Variants in MAP2K3 observed in about 807,000 individuals in gnomAD.
The protein encoded by MAP2K3 is dual specificity mitogen-activated protein kinase kinase 3.
Under a neutral mutation model 46.4 loss-of-function variants are expected in MAP2K3, and 30 were observed. The ratio of observed to expected loss-of-function variants is 0.65; its 90% CI spans 0.48 to 0.88. MAP2K3 has a LOEUF of 0.88. Among genes scored for constraint, MAP2K3 ranks in the 40% least tolerant of loss-of-function variants. MAP2K3 has a pLI of 0.00. For synonymous variants in MAP2K3, 189 were observed against 176.3 expected (o/e 1.07, Z -0.57); for missense variants, 380 against 464.5 (o/e 0.82, Z 1.67).
chr17:21,293,470 T>G (rs971107584), intron 1 of MAP2K3, among the ~76,000 whole-genome samples: 1 of 152,310 alleles, frequency 6.6e-6, no homozygotes, highest in Non-Finnish European at 1.5e-5. Context: ...GTTGCCCCTG[T>G]GCAGCTGAGC....
chr17:21,287,012 A>G (rs902655516), intron 1 of MAP2K3, among the ~76,000 whole-genome samples: 1 of 152,242 alleles, frequency 6.6e-6, no homozygotes, highest in African/African-American at 2.4e-5. Context: ...TGATAAGGAA[A>G]CTGAGGCGTT....
At chr17:21,291,294 A>AATACAATAGAATACC (rs1975914008) in intron 1 of MAP2K3, 1 of 25,948 alleles carries the variant, frequency 3.9e-5, no homozygotes, top group African/African-American at 3.8e-4. Flanking sequence ...AATAGAATAC[A>AATACAATAGAATACC]ATACAATAGA....
Position 21,314,539 on chromosome 17 carries a change from C to T in MAP2K3, c.*309C>T, listed in dbSNP as rs1977318242. 2.7e-6 allele frequency: 1 copy of T among 374,582 alleles called. No individual in the cohort carries two copies. Among genetic ancestry groups the T allele is most frequent in the South Asian group, 3.6e-5 (1 of 28,116 alleles). The allele number at this position is 374,582 out of a possible 1,614,324, so 23.2% of individuals were successfully genotyped here. ...GGATGCCCCCTGTGGATGCTGCTGCCCCTGCACAGCAGGCTGCCAGTGCCT... is the reference window on the plus strand; with the variant it reads ...GGATGCCCCCTGTGGATGCTGCTGCTCCTGCACAGCAGGCTGCCAGTGCCT... On this transcript the variant is annotated 3_prime_UTR_variant, in exon 12 of 12. Transcript: ENST00000342679.
intron 1 of MAP2K3, among the ~76,000 whole-genome samples, chr17:21,289,801 C>T (rs1388469930): frequency 6.6e-6 from 1 of 152,208 alleles, no homozygotes; most frequent in African/African-American, 2.4e-5. Context: ...CAGAGAGGGC[C>T]CCAGACTTTC....
chr17:21,312,459 G>A (rs2144665931), intron 10 of MAP2K3, among the ~76,000 whole-genome samples, 178 bp downstream of exon 10: 1 of 152,270 alleles, frequency 6.6e-6, no homozygotes, highest in Middle Eastern at 3.4e-3. Flanking sequence ...CGATGGTCTT[G>A]GTGGGAGATT....
chr17:21,293,258 CT>C (rs1437373313), intron 1 of MAP2K3, among the ~76,000 whole-genome samples: 10 of 152,424 alleles, frequency 6.6e-5, no homozygotes, highest in African/African-American at 2.4e-4. Context: ...TGTGGGCCCC[CT>C]GTCTTTCACG....
chr17:21,290,394 G>A (rs1004901736), intron 1 of MAP2K3, among the ~76,000 whole-genome samples: 12 of 5,830 alleles, frequency 2.1e-3, no homozygotes, highest in African/African-American at 5.8e-3. Flanking sequence ...CCTGCCGTTG[G>A]CATGGCACAC....
At chr17:21,285,117 C>T (rs1011217464) in intron 1 of MAP2K3, 148 bp downstream of exon 1, 1 of 1,319,904 alleles carries the variant, frequency 7.6e-7, no homozygotes, top group Non-Finnish European at 1.0e-6. Flanking sequence ...TTCGGGGTCC[C>T]GGGACCAGCC....
intron 7 of MAP2K3, among the ~76,000 whole-genome samples, chr17:21,303,779 A>G (rs1976736128): frequency 6.6e-6 from 1 of 152,306 alleles, no homozygotes; most frequent in South Asian, 2.1e-4. Flanking sequence ...ATTTTTCCAG[A>G]TTTACTGCTT....
chr17:21,300,380 T>G (rs565034825), intron 3 of MAP2K3, 165 bp from the exon 4 acceptor site: 2 of 700,502 alleles, frequency 2.9e-6, no homozygotes, highest in Non-Finnish European at 4.9e-6. Context: ...TCAGAGAGGT[T>G]AAGTGACTTG....
At chr17:21,304,983 G>GA (rs1976815311) in intron 8 of MAP2K3, 68 bp from the exon 9 acceptor site, 22 of 1,591,154 alleles carry the variant, frequency 1.4e-5, no homozygotes, top group Non-Finnish European at 1.9e-5. Flanking sequence ...TTGGGGATTG[G>GA]GAGGCAAGGC....
intron 6 of MAP2K3, among the ~76,000 whole-genome samples, chr17:21,302,680 G>C (rs1976673906): frequency 6.6e-6 from 1 of 152,306 alleles, no homozygotes; most frequent in Admixed American, 6.5e-5. Context: ...GTCCTTGAGG[G>C]AGGGCAGCAA....
At chr17:21,295,086 G>A (rs943283749) in intron 1 of MAP2K3, among the ~76,000 whole-genome samples, 1 of 152,310 alleles carries the variant, frequency 6.6e-6, no homozygotes, top group Non-Finnish European at 1.5e-5. Context: ...AAGGCAAGAC[G>A]ACGTAGTAGC....
At chr17:21,298,080 T>C (rs1976362223) in intron 1 of MAP2K3, among the ~76,000 whole-genome samples, 2 of 152,308 alleles carry the variant, frequency 1.3e-5, no homozygotes. Context: ...CCACATCCCA[T>C]TGACTAGTCA....
intron 7 of MAP2K3, 38 bp from the exon 8 acceptor site, chr17:21,304,388 C>G (rs1172259802): frequency 3.7e-6 from 6 of 1,614,200 alleles, no homozygotes; most frequent in Non-Finnish European, 5.1e-6. Context: ...TCCAGTCGTG[C>G]TCCACAGACG....
intron 6 of MAP2K3, 79 bp downstream of exon 6, chr17:21,302,338 G>A (rs1258192952): frequency 6.2e-6 from 9 of 1,459,200 alleles, no homozygotes; most frequent in African/African-American, 2.8e-5. Flanking sequence ...CATGGAGCCT[G>A]CCTATTGATG....
intron 2 of MAP2K3, 111 bp downstream of exon 2, chr17:21,298,590 C>T (rs1597812485): frequency 3.9e-6 from 6 of 1,550,898 alleles, no homozygotes; most frequent in Non-Finnish European, 5.3e-6. Flanking sequence ...CTCGTCCTGT[C>T]CTGGGCAGCC....
intron 1 of MAP2K3, 107 bp downstream of exon 1, chr17:21,285,076 C>A: frequency 6.9e-7 from 1 of 1,445,726 alleles, no homozygotes; most frequent in Non-Finnish European, 9.3e-7. Context: ...CTCGACCTGG[C>A]AGCGGCGTCC....
At chr17:21,291,865 C>T (rs1403858461) in intron 1 of MAP2K3, 7 of 331,740 alleles carry the variant, frequency 2.1e-5, no homozygotes, top group Non-Finnish European at 3.5e-5. Flanking sequence ...GTCTTTACAA[C>T]TCCGGACCCT....
Sources: allele counts gnomAD v4.1 joint callset (sites outside exome capture counted in the v4.1 genomes callset), GRCh38; gene constraint gnomAD v4.1.1; transcripts MANE v1.5; gene names NCBI Gene and HGNC (gene_info 2026-07-23, HGNC 2026-07-21).